CABIN1: variants seen among roughly 807,000 people sequenced by gnomAD.
The protein encoded by CABIN1 is calcineurin binding protein 1.
Under a neutral mutation model 227.7 loss-of-function variants are expected in CABIN1, and 133 were observed. The observed-to-expected ratio is 0.58, with a 90% CI of 0.51 to 0.67. The LOEUF is 0.67. CABIN1 is among the 30% of genes least tolerant of loss of function. The pLI, the probability that CABIN1 is intolerant of heterozygous loss-of-function variation, is 0.00. For missense variants in CABIN1, 2,408 were observed against 2,852.5 expected, an observed-to-expected ratio of 0.84 and a Z score of 3.55; for synonymous variants, 1,086 against 1,155.1, an observed-to-expected ratio of 0.94 and a Z score of 1.21.
rs778666385 is a variant in CABIN1 at position 24,166,756 on chromosome 22, C to T, written c.5125C>T (p.Pro1709Ser). Residue 1709 changes from proline to serine, a missense_variant, in exon 32 of 37, where the codon CCC (proline) becomes TCC (serine). Pro to Ser is a moderately conservative substitution (Grantham distance 74). Around this residue, in one of 3 missense-constraint regions of CABIN1, gnomAD observed 714 missense variants for 773.8 expected, o/e 0.92. Coordinates refer to ENST00000263119, the MANE Select transcript of CABIN1 (RefSeq NM_012295.4). ...GQEGLPQPKK[P>S]PLADGSGPGP... Reference sequence around the variant, plus strand: ...GGAGGGCCTCCCCCAGCCGAAGAAGCCCCCTCTGGCTGATGGCTCAGGGCC... The same window carrying T: ...GGAGGGCCTCCCCCAGCCGAAGAAGTCCCCTCTGGCTGATGGCTCAGGGCC... 2 of 1,612,828 alleles carry T rather than the reference C, an allele frequency of 1.2e-6. No individual in the cohort carries two copies. Among genetic ancestry groups the T allele is most frequent in the East Asian group, 4.5e-5 (2 of 44,878 alleles).
At chr22:24,099,299 A>T (rs1037301291) in intron 26 of CABIN1, among the ~76,000 whole-genome samples, 1 of 152,148 alleles carries the variant, frequency 6.6e-6, no homozygotes, top group African/African-American at 2.4e-5. Context: ...AAGGGGGCCA[A>T]TGCTCCATTT....
intron 29 of CABIN1, among the ~76,000 whole-genome samples, chr22:24,141,005 G>A (rs765263554): frequency 3.3e-5 from 5 of 152,214 alleles, no homozygotes; most frequent in Non-Finnish European, 5.9e-5. Context: ...GAGTGGTCCC[G>A]ACAGGTGGAT....
At chr22:24,161,652 G>A (rs369378145) in intron 29 of CABIN1, among the ~76,000 whole-genome samples, 27 of 152,294 alleles carry the variant, frequency 1.8e-4, no homozygotes, top group East Asian at 1.3e-3. Context: ...AGGCCTCTTG[G>A]TCACTGCTGC....
chr22:24,104,405 G>A (rs1423610795), intron 26 of CABIN1, among the ~76,000 whole-genome samples: 6 of 152,220 alleles, frequency 3.9e-5, no homozygotes, highest in Non-Finnish European at 1.5e-5. Flanking sequence ...AGAGATGCAT[G>A]ATGAGGCCTC....
intron 8 of CABIN1, among the ~76,000 whole-genome samples, chr22:24,053,168 C>T (rs2066995606): frequency 6.7e-6 from 1 of 149,880 alleles, no homozygotes; most frequent in African/African-American, 2.5e-5. Flanking sequence ...AGCTCTGCCT[C>T]CTGGGTTCAC....
chr22:24,105,259 C>T (rs1466826347), intron 26 of CABIN1, among the ~76,000 whole-genome samples: 1 of 152,194 alleles, frequency 6.6e-6, no homozygotes, highest in Non-Finnish European at 1.5e-5. Context: ...GTAGAAGGTT[C>T]TGGAGCTTAG....
intron 29 of CABIN1, among the ~76,000 whole-genome samples, chr22:24,145,581 G>A (rs2045059749): frequency 6.6e-6 from 1 of 152,184 alleles, no homozygotes; most frequent in South Asian, 2.1e-4. Flanking sequence ...GGGACCTGGT[G>A]CTCAGCCCTG....
At chr22:24,145,945 G>T (rs2045086120) in intron 29 of CABIN1, among the ~76,000 whole-genome samples, 1 of 152,202 alleles carries the variant, frequency 6.6e-6, no homozygotes, top group Admixed American at 6.5e-5. Context: ...TCCCACCCTG[G>T]CTGGTGAGGA....
At chr22:24,043,210 T>G (rs1438610764) in intron 6 of CABIN1, 126 bp downstream of exon 6, 1 of 730,722 alleles carries the variant, frequency 1.4e-6, no homozygotes, top group African/African-American at 1.7e-5. Context: ...TCAGGGAGAA[T>G]GGCAATGTTC....
chr22:24,084,171 T>C (rs2040992665), intron 20 of CABIN1, among the ~76,000 whole-genome samples: 4 of 152,262 alleles, frequency 2.6e-5, no homozygotes, highest in African/African-American at 9.6e-5. Flanking sequence ...GTTTCTAATG[T>C]CTGTCTTTCT....
At chr22:24,167,488 A>T (rs977737513) in intron 32 of CABIN1, among the ~76,000 whole-genome samples, 175 bp downstream of exon 32, 1 of 152,122 alleles carries the variant, frequency 6.6e-6, no homozygotes, top group Admixed American at 6.5e-5. Flanking sequence ...TCAATATTCA[A>T]CCTGGAAGGA....
intron 16 of CABIN1, among the ~76,000 whole-genome samples, chr22:24,068,513 G>A (rs553040271): frequency 3.9e-5 from 6 of 152,350 alleles, no homozygotes; most frequent in African/African-American, 1.4e-4. Flanking sequence ...ACTGCTGCTT[G>A]GGCAGGCGCT....
chr22:24,018,735 TC>T (rs2146504271), intron 1 of CABIN1, among the ~76,000 whole-genome samples: 1 of 152,296 alleles, frequency 6.6e-6, no homozygotes, highest in South Asian at 2.1e-4. Flanking sequence ...AGTTTTTTTT[TC>T]ATTGTTTTCC....
chr22:24,076,970 A>T (rs1377553006), intron 19 of CABIN1, among the ~76,000 whole-genome samples: 1 of 152,200 alleles, frequency 6.6e-6, no homozygotes, highest in Non-Finnish European at 1.5e-5. Flanking sequence ...TTCTATTGGG[A>T]TATAACCATG....
chr22:24,074,600 C>T (rs1015525219), intron 18 of CABIN1, among the ~76,000 whole-genome samples: 8 of 152,108 alleles, frequency 5.3e-5, no homozygotes, highest in Non-Finnish European at 2.9e-5. Flanking sequence ...GGAAGGGGCC[C>T]TGGGATAAAA....
intron 1 of CABIN1, among the ~76,000 whole-genome samples, chr22:24,028,377 C>T (rs2036250799): frequency 1.3e-5 from 2 of 152,196 alleles, no homozygotes; most frequent in South Asian, 2.1e-4. Context: ...TGAGAATGCT[C>T]CTCCTCGTAT....
intron 15 of CABIN1, among the ~76,000 whole-genome samples, chr22:24,064,512 GTTTTTTTTTTTT>G (rs782268156): frequency 1.9e-5 from 2 of 106,900 alleles, no homozygotes; most frequent in East Asian, 2.9e-4. Flanking sequence ...CAGCTGAAAG[GTTTTTTTTTTTT>G]TTTTTTTTTT....
At chr22:24,163,431 G>C (rs879888744) in intron 29 of CABIN1, among the ~76,000 whole-genome samples, 2 of 152,174 alleles carry the variant, frequency 1.3e-5, no homozygotes, top group Non-Finnish European at 2.9e-5. Flanking sequence ...AGTGGTCCCT[G>C]TAGCTGGGGG....
rs770785441 is a variant in CABIN1 at position 24,176,239 on chromosome 22, G to A, written c.6169G>A (p.Ala2057Thr). ...GCCACACTGCTGGCCGGCAGAGGCT[G>A]CCCTGGGCACAGGCGCTGAGCCCAC... ...AEPHCWPAEA[A>T]LGTGAEPTCS... Residue 2057 changes from alanine (A) to threonine (T), a missense_variant, in exon 35 of 37, where the codon GCC becomes ACC. Around this residue, in one of 3 missense-constraint regions of CABIN1, gnomAD observed 714 missense variants for 773.8 expected, o/e 0.92. Coordinates refer to ENST00000263119, the MANE Select transcript of CABIN1 (RefSeq NM_012295.4). The A allele has an allele frequency of 6.2e-6, 10 of 1,608,328 alleles. No individual in the cohort carries two copies. The African/African-American group carries it at 1.2e-4, about 19-fold the overall frequency.
Sources: allele counts gnomAD v4.1 joint callset (sites outside exome capture counted in the v4.1 genomes callset), GRCh38; gene constraint gnomAD v4.1.1; regional missense constraint gnomAD v4.1.1; transcripts MANE v1.5; gene names NCBI Gene and HGNC (gene_info 2026-07-23, HGNC 2026-07-21).